ZBTB16: variants seen among roughly 807,000 people sequenced by gnomAD.
ZBTB16 encodes zinc finger and BTB domain-containing protein 16.
A neutral mutation model predicts 56.8 loss-of-function variants in ZBTB16; 8 were observed. The ratio of observed to expected loss-of-function variants is 0.14; its 90% CI spans 0.08 to 0.25. ZBTB16 has a LOEUF of 0.25. Among genes scored for constraint, ZBTB16 ranks in the 10% least tolerant of loss-of-function variants. The probability of loss-of-function intolerance (pLI) is 1.00; values close to 1 mark genes in which losing one functional copy is unlikely to be tolerated. For missense variants in ZBTB16, 625 were observed against 903.0 expected (o/e 0.69, Z 3.95); for synonymous variants, 363 against 368.5 (o/e 0.98, Z 0.17).
intron 5 of ZBTB16, among the ~76,000 whole-genome samples, chr11:114,244,138 C>T (rs903506439): frequency 3.9e-5 from 6 of 152,086 alleles, no homozygotes; most frequent in African/African-American, 1.4e-4. Context: ...CTGCTGGGGC[C>T]GGGTGTTTAG....
Position 114,225,616 on chromosome 11 carries a change from G to A in ZBTB16, c.1454-16551G>A, listed in dbSNP as rs112451890. The stretch of plus-strand genomic sequence containing the variant: ...TCCCTTGAGAACGACATTAATCCAC[G>A]CGTGAGGGCACAGCCCCCATGACCC... On this transcript the variant is annotated intron_variant, in intron 4 of 6. Coordinates refer to ENST00000335953, the MANE Select transcript of ZBTB16 (RefSeq NM_006006.6). Among the ~76,000 whole-genome samples, 790 of 152,072 alleles carry A rather than the reference G, an allele frequency of 5.2e-3. 9 individuals carry two copies. The highest frequency in any genetic ancestry group is 0.018 in the African/African-American group (747 of 41,496).
rs576217745 is a variant in ZBTB16 at position 114,248,713 on chromosome 11, T to C, written c.1792+1348T>C. ...AGCTATGTGTTGTCAGAGCTCGTTT[T>C]TCGTGTCCCAGTTTGAGCCCACAAG... On this transcript the variant is annotated intron_variant, in intron 6 of 6. Transcript: ENST00000335953. Among the ~76,000 whole-genome samples the C allele has an allele frequency of 2.0e-5, 3 of 152,290 alleles. No homozygotes were observed. In the South Asian group the frequency reaches 6.2e-4, roughly 32 times the overall value.
At chr11:114,232,029 C>A (rs890170889) in intron 4 of ZBTB16, among the ~76,000 whole-genome samples, 1 of 152,102 alleles carries the variant, frequency 6.6e-6, no homozygotes, top group Non-Finnish European at 1.5e-5. Context: ...AGTTGGGAGT[C>A]TGCAGTAAAA....
At position 114,209,164 on chromosome 11, in the gene ZBTB16, G is replaced by A. The variant is rs527752179; in HGVS notation, c.1453+22126G>A. On this transcript the variant is annotated intron_variant, in intron 4 of 6. Coordinates refer to ENST00000335953, the MANE Select transcript of ZBTB16 (RefSeq NM_006006.6). ...GACTTGCATCATGGATGCAGAAAAG[G>A]TGGATAACCCAACTCTGGTGGGGTG... Among the ~76,000 whole-genome samples the A allele has an allele frequency of 2.6e-5, 4 of 152,332 alleles. No individual in the cohort carries two copies. The South Asian group carries it at 8.3e-4, about 32-fold the overall frequency.
chr11:114,090,688 C>G (rs147503377), intron 2 of ZBTB16, among the ~76,000 whole-genome samples: 222 of 152,278 alleles, frequency 1.5e-3, no homozygotes, highest in African/African-American at 4.7e-3. Flanking sequence ...CTATTGGATG[C>G]TATGTGGGCA....
chr11:114,079,724 G>T (rs1327218837), intron 2 of ZBTB16, among the ~76,000 whole-genome samples: 1 of 152,232 alleles, frequency 6.6e-6, no homozygotes, highest in Non-Finnish European at 1.5e-5. Context: ...TGCTGTGTCT[G>T]ACTCGGAAGG....
intron 2 of ZBTB16, among the ~76,000 whole-genome samples, chr11:114,103,531 C>T (rs140225976): frequency 9.2e-5 from 14 of 151,914 alleles, no homozygotes; most frequent in East Asian, 7.8e-4. Context: ...ATGTAACAGC[C>T]GGTGGAATCT....
intron 4 of ZBTB16, among the ~76,000 whole-genome samples, chr11:114,221,404 G>A (rs1432120952): frequency 8.5e-5 from 13 of 152,194 alleles, no homozygotes; most frequent in Admixed American, 6.5e-4. Flanking sequence ...GCCAGATCTT[G>A]CCTGTTGGGA....
intron 2 of ZBTB16, among the ~76,000 whole-genome samples, chr11:114,073,494 CCTACGTGAGG>C (rs745718369): frequency 1.1e-4 from 17 of 152,242 alleles, no homozygotes; most frequent in Non-Finnish European, 2.1e-4. Flanking sequence ...TTGGGTTTTG[CCTACGTGAGG>C]CTTATCTCTG....
At chr11:114,061,743 G>T (rs148458366) in intron 1 of ZBTB16, among the ~76,000 whole-genome samples, 21 of 152,312 alleles carry the variant, frequency 1.4e-4, no homozygotes, top group African/African-American at 4.8e-4. Flanking sequence ...TCCCGAACAG[G>T]CTCTGGGAGA....
intron 5 of ZBTB16, among the ~76,000 whole-genome samples, chr11:114,243,786 A>G (rs12274563): frequency 0.07 from 10,626 of 152,290 alleles, 409 homozygotes; most frequent in Middle Eastern, 0.11. Flanking sequence ...CACTGGGTCC[A>G]ATCAGTTGGC....
intron 2 of ZBTB16, among the ~76,000 whole-genome samples, chr11:114,116,886 AG>A (rs1331126517): frequency 6.6e-6 from 1 of 152,242 alleles, no homozygotes; most frequent in East Asian, 1.9e-4. Flanking sequence ...CTCGTCCCCA[AG>A]AATCTAATAA....
chr11:114,119,229 C>T (rs117136013), intron 2 of ZBTB16, among the ~76,000 whole-genome samples: 13 of 139,134 alleles, frequency 9.3e-5, no homozygotes, highest in East Asian at 2.1e-4. Flanking sequence ...CACACCACTC[C>T]GCTCCAGCCC....
chr11:114,199,782 A>G (rs1416692973), intron 4 of ZBTB16, among the ~76,000 whole-genome samples: 1 of 152,182 alleles, frequency 6.6e-6, no homozygotes, highest in Non-Finnish European at 1.5e-5. Context: ...AGTTTTTCAC[A>G]TTTGTAAACT....
intron 2 of ZBTB16, among the ~76,000 whole-genome samples, chr11:114,101,014 GT>G (rs1488901484): frequency 1.3e-4 from 20 of 151,966 alleles, no homozygotes; most frequent in Non-Finnish European, 1.5e-5. Context: ...TTGTTTGTTT[GT>G]TTTGAGACAG....
intron 2 of ZBTB16, among the ~76,000 whole-genome samples, chr11:114,124,580 A>T (rs1260286876): frequency 6.7e-6 from 1 of 149,122 alleles, no homozygotes; most frequent in Non-Finnish European, 1.5e-5. Flanking sequence ...AAACAAAAAC[A>T]AAACAAAAAA....
chr11:114,080,090 C>T, intron 2 of ZBTB16, among the ~76,000 whole-genome samples: 1 of 152,084 alleles, frequency 6.6e-6, no homozygotes, highest in East Asian at 1.9e-4. Context: ...TTTTGACCCC[C>T]TACACCCCGG....
rs1555162786 is a variant in ZBTB16 at position 114,254,091 on chromosome 11, C to CGTCA, written c.*3536_*3537insGTCA. On this transcript the variant is annotated 3_prime_UTR_variant, in exon 7 of 7. Transcript: ENST00000335953. ...CTTAATGCATTTGGTGACATTTACA[C>CGTCA]CTCATGTGCTCTTTCCCTATTCACT... Among the ~76,000 whole-genome samples the CGTCA allele has an allele frequency of 2.0e-5, 3 of 151,850 alleles. No homozygotes were observed. Among genetic ancestry groups the CGTCA allele is most frequent in the African/African-American group, 7.3e-5 (3 of 41,294 alleles).
chr11:114,244,051 G>A (rs1313695514), intron 5 of ZBTB16, among the ~76,000 whole-genome samples: 7 of 152,108 alleles, frequency 4.6e-5, no homozygotes, highest in Non-Finnish European at 8.8e-5. Context: ...GAGGCACTGC[G>A]CACACAAGCC....
Sources: gnomAD v4.1 joint callset for allele counts (sites outside exome capture counted in the v4.1 genomes callset) on GRCh38, gnomAD v4.1.1 for gene constraint, MANE v1.5 for transcripts, NCBI Gene and HGNC (gene_info 2026-07-23, HGNC 2026-07-21) for gene names.